BCAM: variants seen among roughly 807,000 people sequenced by gnomAD.
The protein encoded by BCAM is basal cell adhesion molecule (Lutheran blood group), also known as basal cell adhesion molecule.
A neutral mutation model predicts 72.4 loss-of-function variants in BCAM; 61 were observed. The observed-to-expected ratio is 0.84, with a 90% confidence interval of 0.69 to 1.04. The LOEUF is 1.04. Among genes scored for constraint, BCAM ranks in the 50% least tolerant of loss-of-function variants. BCAM has a pLI of 0.00. For missense variants in BCAM, 909 were observed against 895.0 expected (o/e 1.02, Z -0.20); for synonymous variants, 408 against 384.2 (o/e 1.06, Z -0.73).
At position 44,811,223 on chromosome 19, in the gene BCAM, A is replaced by C; in HGVS notation, c.83-2A>C. 1 of 1,612,010 alleles carries C rather than the reference A, an allele frequency of 6.2e-7. No homozygotes were observed. Among genetic ancestry groups the C allele is most frequent in the Non-Finnish European group, 8.5e-7 (1 of 1,179,832 alleles). ...GATGATAGCTCAGTTGCTCTCTTGC[A>C]GATGCCCAGGCGGAGGTGCGCTTGT... is the stretch of plus-strand genomic sequence containing the variant. On this transcript the variant is annotated splice_acceptor_variant, in intron 1 of 14. Transcript: ENST00000270233. LOFTEE classifies it high-confidence loss of function.
In BCAM at chr19:44,812,553, C is replaced by T. The variant is rs548738697; in HGVS notation, c.504+5C>T. 3.6e-5 allele frequency: 58 copies of T among 1,614,072 alleles called. No individual in the cohort carries two copies. The East Asian group carries it at 1.2e-3, about 33-fold the overall frequency. Reference sequence around the variant, plus strand: ...ATGGAGGACTCTGCCCAGGAGGTACCTCTCGGGTGGACCTTGGCCCCAGGG... The same window carrying T: ...ATGGAGGACTCTGCCCAGGAGGTACTTCTCGGGTGGACCTTGGCCCCAGGG... On this transcript the variant is annotated splice_donor_5th_base_variant and intron_variant, in intron 4 of 14. Coordinates refer to ENST00000270233, the MANE Select transcript of BCAM (RefSeq NM_005581.5). The surrounding 1 kb of genome is among the most constrained non-coding windows in gnomAD (Gnocchi z 5.3).
In BCAM at chr19:44,811,259, G is replaced by A. The variant is rs751652130; in HGVS notation, c.117G>A (p.Pro39=). The change falls in exon 2 of 15, where the codon CCG becomes CCA. Residue 39 remains proline (P), a synonymous_variant. Coordinates refer to ENST00000270233, the MANE Select transcript of BCAM (RefSeq NM_005581.5). ...AQAEVRLSVP[P]LVEVMRGKSV... is the part of the protein sequence containing the mutation. ...CGGAGGTGCGCTTGTCTGTACCCCC[G>A]CTGGTGGAGGTGATGCGAGGAAAGT... The A allele has an allele frequency of 8.7e-6, 14 of 1,612,752 alleles. No individual in the cohort carries two copies. The highest frequency in any genetic ancestry group is 2.7e-5 in the African/African-American group (2 of 74,848).
chr19:44,817,194 G>T (rs1333379125), intron 8 of BCAM, among the ~76,000 whole-genome samples: 1 of 152,194 alleles, frequency 6.6e-6, no homozygotes, highest in East Asian at 1.9e-4. Flanking sequence ...CTGAGATCCC[G>T]CCACTGCACT....
Position 44,812,465 on chromosome 19 carries a change from G to A in BCAM, c.434-13G>A, listed in dbSNP as rs538502720. On this transcript the variant is annotated splice_polypyrimidine_tract_variant and intron_variant, in intron 3 of 14. Coordinates refer to ENST00000270233, the MANE Select transcript of BCAM (RefSeq NM_005581.5). The surrounding 1 kb of genome is among the most constrained non-coding windows in gnomAD (Gnocchi z 5.3). ...CAGGGCAGGGGCTCCTGACGTGAACGTCTTTTTCACAGCAAAGCCAGAGGC... is the reference window on the plus strand; with the variant it reads ...CAGGGCAGGGGCTCCTGACGTGAACATCTTTTTCACAGCAAAGCCAGAGGC... The A allele has an allele frequency of 1.5e-5, 24 of 1,614,118 alleles. No individual in the cohort carries two copies. Among genetic ancestry groups the A allele is most frequent in the African/African-American group, 1.1e-4 (8 of 74,936 alleles).
At position 44,813,200 on chromosome 19, in the gene BCAM, A is replaced by G. The variant is rs753124410; in HGVS notation, c.505-50A>G. 1.3e-6 allele frequency: 2 copies of G among 1,597,288 alleles called. No individual in the cohort carries two copies. Among genetic ancestry groups the G allele is most frequent in the Non-Finnish European group, 1.7e-6 (2 of 1,168,532 alleles). On this transcript the variant is annotated intron_variant, in intron 4 of 14. Coordinates refer to ENST00000270233, the MANE Select transcript of BCAM (RefSeq NM_005581.5). This position sits in a 1 kb window ranked among gnomAD's most constrained non-coding sequence, Gnocchi z 4.2. ...GAGAACTCCTGAGAGAGGAGCCCCG[A>G]CTTCAGAGTCCCAGCTCCAAGCCCA...
intron 1 of BCAM, among the ~76,000 whole-genome samples, chr19:44,810,088 G>A (rs1347044285): frequency 6.6e-6 from 1 of 152,138 alleles, no homozygotes; most frequent in Non-Finnish European, 1.5e-5. Context: ...GGTCCCCAGG[G>A]GTAGGGCTGG....
At position 44,813,727 on chromosome 19, in the gene BCAM, C is replaced by T; in HGVS notation, c.784+107C>T. On this transcript the variant is annotated intron_variant, in intron 6 of 14. Coordinates refer to ENST00000270233, the MANE Select transcript of BCAM (RefSeq NM_005581.5). This position sits in a 1 kb window ranked among gnomAD's most constrained non-coding sequence, Gnocchi z 4.2. The stretch of plus-strand genomic sequence containing the variant: ...TCCCCTCTGACCCTCTGCCTCCCTA[C>T]TTCATGCTAAAAAAAAATGTGCTAG... The T allele has an allele frequency of 4.2e-6, 6 of 1,419,528 alleles. No individual in the cohort carries two copies. The highest frequency in any genetic ancestry group is 2.4e-5 in the Admixed American group (1 of 42,174). 87.9% of individuals were successfully genotyped at this position (1,419,528 alleles called of 1,614,324 possible). A position where few individuals can be genotyped will look rare whatever the true frequency, so the allele number is the denominator to read the frequency against.
rs1158014610 is a variant in BCAM, at chr19:44,813,476, G to C, written c.640G>C (p.Gly214Arg). 6.2e-7 allele frequency: 1 copy of C among 1,612,224 alleles called. No individual in the cohort carries two copies. Among genetic ancestry groups the C allele is most frequent in the Admixed American group, 1.7e-5 (1 of 60,018 alleles). Residue 214 changes from glycine to arginine, a missense_variant, in exon 6 of 15, where the codon GGC (glycine) becomes CGC (arginine). Coordinates refer to ENST00000270233, the MANE Select transcript of BCAM (RefSeq NM_005581.5). This position sits in a 1 kb window ranked among gnomAD's most constrained non-coding sequence, Gnocchi z 4.2. ...MTSRTVREAS[G>R]LLSLTSTLYL... is the part of the protein sequence containing the mutation. The stretch of plus-strand genomic sequence containing the variant: ...CAGCCGCACGGTCCGGGAGGCCTCG[G>C]GCCTGCTCTCCCTCACCAGCACCCT...
rs1968478426 is a variant in BCAM at position 44,814,652 on chromosome 19, C to T, written c.970C>T (p.Leu324=). Residue 324 remains leucine, a synonymous_variant, in exon 8 of 15, where the codon CTG becomes TTG. Coordinates refer to ENST00000270233, the MANE Select transcript of BCAM (RefSeq NM_005581.5). The surrounding 1 kb of genome is among the most constrained non-coding windows in gnomAD (Gnocchi z 4.6). ...TGTGAATCTCGAGGGGAACTTGACC[C>T]TGGAGGGAGTGACCCGGGGCCAGAG... ...LNVNLEGNLT[L]EGVTRGQSGT... 1.2e-6 allele frequency: 2 copies of T among 1,614,030 alleles called. No homozygotes were observed. Among genetic ancestry groups the T allele is most frequent in the Non-Finnish European group, 8.5e-7 (1 of 1,180,032 alleles).
In BCAM at chr19:44,819,169, A is replaced by C. The variant is rs748948117; in HGVS notation, c.1450A>C (p.Ser484Arg). 1 of 1,614,016 alleles carries C rather than the reference A, an allele frequency of 6.2e-7. No individual in the cohort carries two copies. The highest frequency in any genetic ancestry group is 8.5e-7 in the Non-Finnish European group (1 of 1,179,938). ...SARGHPDPKL[S>R]WSQLGGSPAE... The stretch of plus-strand genomic sequence containing the variant: ...CCGCGGCCATCCAGACCCCAAACTC[A>C]GCTGGAGCCAATTGGGGGGCAGCGT... The change falls in exon 11 of 15, where the codon AGC becomes CGC. Residue 484 changes from serine to arginine, a missense_variant. Physicochemically the swap from Ser to Arg is moderately radical, Grantham distance 110 (BLOSUM62 -1). Coordinates refer to ENST00000270233, the MANE Select transcript of BCAM (RefSeq NM_005581.5).
In BCAM at chr19:44,815,493, A is replaced by C. The variant is rs181498791; in HGVS notation, c.1078+733A>C. 3.7e-4 allele frequency among the ~76,000 whole-genome samples: 57 copies of C among 152,294 alleles called. No individual in the cohort carries two copies. The East Asian group carries it at 0.01, about 28-fold the overall frequency. On this transcript the variant is annotated intron_variant, in intron 8 of 14. Coordinates refer to ENST00000270233, the MANE Select transcript of BCAM (RefSeq NM_005581.5). ...AATGCTAACTAAGCCCTTTCGTAAC[A>C]GTAGTGTATCTACAGGTGATATCAC...
chr19:44,815,087 A>G (rs1968487086), intron 8 of BCAM, among the ~76,000 whole-genome samples: 1 of 151,768 alleles, frequency 6.6e-6, no homozygotes, highest in African/African-American at 2.4e-5. Flanking sequence ...TCTGCTCAGA[A>G]TCTGCCATGG....
In BCAM at chr19:44,814,509, C is replaced by T; in HGVS notation, c.922-95C>T. On this transcript the variant is annotated intron_variant, in intron 7 of 14. Coordinates refer to ENST00000270233, the MANE Select transcript of BCAM (RefSeq NM_005581.5). The surrounding 1 kb of genome is among the most constrained non-coding windows in gnomAD (Gnocchi z 4.6). ...GATGGCCCCTGACCCCTGATTCTGG[C>T]TTAGCATGACACTAACCTGGTGGCT... 6.6e-7 allele frequency: 1 copy of T among 1,510,912 alleles called. No homozygotes were observed. The allele number at this position is 1,510,912 out of a possible 1,614,324, so 93.6% of individuals were successfully genotyped here.
rs765850136 is a variant in BCAM at position 44,819,650 on chromosome 19, CTCG to C, written c.1692_1694del (p.Val565del). 6.2e-6 allele frequency: 10 copies of C among 1,613,632 alleles called. No individual in the cohort carries two copies. The South Asian group carries it at 1.1e-4, about 18-fold the overall frequency. ...GGCCGTCAGCGTGGGCCTCCTGCTC[CTCG>C]TCGTTGCTGTCTTCTACTGCGTGAG... is the stretch of plus-strand genomic sequence containing the variant. On this transcript the variant is annotated inframe_deletion, in exon 13 of 15. Coordinates refer to ENST00000270233, the MANE Select transcript of BCAM (RefSeq NM_005581.5).
In BCAM at chr19:44,812,690, C is replaced by G; in HGVS notation, c.504+142C>G. The G allele has an allele frequency of 1.1e-6, 1 of 940,090 alleles. No homozygotes were observed. The highest frequency in any genetic ancestry group is 1.7e-5 in the South Asian group (1 of 58,820). 58.2% of individuals were successfully genotyped at this position (940,090 alleles called of 1,614,324 possible). ...TAAGGCCAGGCGAGGTGGCTCATGC[C>G]TGTAATCCCAGCATTTTGGGAGGCA... On this transcript the variant is annotated intron_variant, in intron 4 of 14. Transcript: ENST00000270233. This position sits in a 1 kb window ranked among gnomAD's most constrained non-coding sequence, Gnocchi z 5.3.
chr19:44,817,129 C>T (rs111548706), intron 8 of BCAM, among the ~76,000 whole-genome samples: 17,346 of 151,678 alleles, frequency 0.11, 1,370 homozygotes, highest in African/African-American at 0.21. Context: ...CCCAGGTACT[C>T]GGGAGGCTGA....
Position 44,814,802 on chromosome 19 carries a change from CA to C in BCAM, c.1078+43del. Reference sequence around the variant, plus strand: ...AACGGGCGGGCAGGAGGGGCCCTGGCATCAGTGCCTCTGCGCCCTCCTCCCT... The same window carrying C: ...AACGGGCGGGCAGGAGGGGCCCTGGCTCAGTGCCTCTGCGCCCTCCTCCCT... On this transcript the variant is annotated intron_variant, in intron 8 of 14. Transcript: ENST00000270233. The surrounding 1 kb of genome is among the most constrained non-coding windows in gnomAD (Gnocchi z 4.6). 1 of 1,575,790 alleles carries C rather than the reference CA, an allele frequency of 6.3e-7. No homozygotes were observed.
At position 44,813,596 on chromosome 19, in the gene BCAM, C is replaced by T. The variant is rs1465848978; in HGVS notation, c.760C>T (p.Pro254Ser). ...PEGRHGRLDSPTFHLTLHYPT... is the reference protein window; with the variant it reads ...PEGRHGRLDSSTFHLTLHYPT... ...GGGCCGCCACGGCCGCCTGGACAGC[C>T]CCACCTTCCACCTCACCCTGCACTG... is the stretch of plus-strand genomic sequence containing the variant. The change falls in exon 6 of 15, where the codon CCC (proline) becomes TCC (serine). Residue 254 changes from proline to serine, a missense_variant. By Grantham distance (74) the Pro-to-Ser change is moderately conservative. Coordinates refer to ENST00000270233, the MANE Select transcript of BCAM (RefSeq NM_005581.5). This position sits in a 1 kb window ranked among gnomAD's most constrained non-coding sequence, Gnocchi z 4.2. 1.2e-6 allele frequency: 2 copies of T among 1,612,574 alleles called. No individual in the cohort carries two copies. Among genetic ancestry groups the T allele is most frequent in the Non-Finnish European group, 1.7e-6 (2 of 1,179,854 alleles).
Position 44,819,163 on chromosome 19 carries a change from A to C in BCAM, c.1444A>C (p.Lys482Gln), listed in dbSNP as rs1195505178. Residue 482 changes from lysine to glutamine, a missense_variant, in exon 11 of 15, where the codon AAA (lysine) becomes CAA (glutamine). Physicochemically the swap from Lys to Gln is moderately conservative, Grantham distance 53 (BLOSUM62 1). Transcript: ENST00000270233. Reference sequence around the variant, plus strand: ...CTCTGCCCGCGGCCATCCAGACCCCAAACTCAGCTGGAGCCAATTGGGGGG... The same window carrying C: ...CTCTGCCCGCGGCCATCCAGACCCCCAACTCAGCTGGAGCCAATTGGGGGG... ...ICSARGHPDP[K>Q]LSWSQLGGSP... 6.2e-7 allele frequency: 1 copy of C among 1,614,022 alleles called. No homozygotes were observed. The highest frequency in any genetic ancestry group is 1.1e-5 in the South Asian group (1 of 91,074).
Sources: allele counts gnomAD v4.1 joint callset (sites outside exome capture counted in the v4.1 genomes callset), GRCh38; gene constraint gnomAD v4.1.1; non-coding constraint Gnocchi (gnomAD v3.1); transcripts MANE v1.5; gene names NCBI Gene and HGNC (gene_info 2026-07-23, HGNC 2026-07-21).